The following ATP2B2 variants were observed in gnomAD, a reference collection of about 807,000 sequenced individuals.
ATP2B2 encodes the protein ATPase plasma membrane Ca2+ transporting 2.
In ATP2B2, 15 loss-of-function variants were observed where a neutral mutation model predicts 120.0. The observed-to-expected ratio is 0.12, with a 90% CI of 0.08 to 0.19. The LOEUF (loss-of-function observed/expected upper bound fraction) is 0.19, where lower values mean the gene tolerates loss of function less well. Among genes scored for constraint, ATP2B2 ranks in the 10% least tolerant of loss-of-function variants. ATP2B2 has a pLI of 1.00. For synonymous variants in ATP2B2, 694 were observed against 700.3 expected, an observed-to-expected ratio of 0.99 and a Z score of 0.14; for missense variants, 1,045 against 1,719.8, an observed-to-expected ratio of 0.61 and a Z score of 6.94.
chr3:10,391,709 A>C (rs1488881241), intron 5 of ATP2B2, among the ~76,000 whole-genome samples: 3 of 152,044 alleles, frequency 2.0e-5, no homozygotes, highest in Non-Finnish European at 2.9e-5. Context: ...TACAATCCCC[A>C]GTCCTCCCTC....
intron 2 of ATP2B2, among the ~76,000 whole-genome samples, chr3:10,425,884 G>C (rs1346011238): frequency 1.3e-5 from 2 of 152,178 alleles, no homozygotes. Context: ...AATGTGTAAA[G>C]TGCAGTGTGC....
chr3:10,393,441 G>C (rs2061923936), intron 5 of ATP2B2, among the ~76,000 whole-genome samples: 1 of 152,212 alleles, frequency 6.6e-6, no homozygotes. Flanking sequence ...TTTTCGCTCA[G>C]CTGTCACAGT....
chr3:10,402,306 G>A lies in ATP2B2; in HGVS notation c.440C>T (p.Ala147Val), dbSNP rs1203494572. The A allele has an allele frequency of 6.2e-7, 1 of 1,614,072 alleles. No homozygotes were observed. The highest frequency in any genetic ancestry group is 8.5e-7 in the Non-Finnish European group (1 of 1,180,048). The stretch of plus-strand genomic sequence containing the variant: ...GGCCCCCTCGATCCAACCTGCCTCT[G>A]CCTCTCCTTCATCCTCTGCCCCACC... ...AQGGAEDEGE[A>V]EAGWIEGAAI... Residue 147 changes from alanine to valine, a missense_variant, in exon 4 of 23, where the codon GCA (alanine) becomes GTA (valine). This residue lies in a region of ATP2B2 where 35 missense variants were observed against 37.2 expected (regional missense o/e 0.94). Transcript: ENST00000360273. The surrounding 1 kb of genome is among the most constrained non-coding windows in gnomAD (Gnocchi z 4.9).
intron 2 of ATP2B2, among the ~76,000 whole-genome samples, chr3:10,554,166 C>T (rs1444172825): frequency 2.6e-5 from 4 of 152,140 alleles, no homozygotes; most frequent in African/African-American, 9.7e-5. Flanking sequence ...TTGTAACCCA[C>T]CTGAACACTC....
intron 11 of ATP2B2, 120 bp from the exon 12 acceptor site, chr3:10,372,171 T>G: frequency 7.1e-7 from 1 of 1,399,718 alleles, no homozygotes. Context: ...CCTGCCCCTT[T>G]GCTTCCGGCA....
At chr3:10,476,519 C>T (rs967199108) in intron 1 of ATP2B2, among the ~76,000 whole-genome samples, 32 of 152,358 alleles carry the variant, frequency 2.1e-4, no homozygotes, top group African/African-American at 7.5e-4. Flanking sequence ...GGGCCCCATG[C>T]TTGGAGACCC....
At chr3:10,332,950 T>A (rs2060020302) in intron 22 of ATP2B2, among the ~76,000 whole-genome samples, 1 of 152,090 alleles carries the variant, frequency 6.6e-6, no homozygotes, top group African/African-American at 2.4e-5. Flanking sequence ...AAAAACAACC[T>A]CGTTTTTGAG....
At chr3:10,659,982 T>C (rs1575600145) in intron 1 of ATP2B2, among the ~76,000 whole-genome samples, 1 of 151,950 alleles carries the variant, frequency 6.6e-6, no homozygotes, top group Non-Finnish European at 1.5e-5. Flanking sequence ...CTGAACAACC[T>C]GCTCCTGAAT....
chr3:10,507,610 A>G (rs142152530), upstream of ATP2B2, among the ~76,000 whole-genome samples: 4 of 152,280 alleles, frequency 2.6e-5, no homozygotes, highest in East Asian at 7.7e-4. Flanking sequence ...TATTACTTCA[A>G]CATCTTTGGC....
intron 1 of ATP2B2, among the ~76,000 whole-genome samples, chr3:10,676,011 G>A (rs1039840466): frequency 6.6e-6 from 1 of 152,194 alleles, no homozygotes; most frequent in African/African-American, 2.4e-5. Flanking sequence ...AATTTGTGAT[G>A]CTGTACTTGT....
rs1212001019 is a variant in ATP2B2 at position 10,338,167 on chromosome 3, C to T, written c.3420+9G>A. 6.2e-7 allele frequency: 1 copy of T among 1,613,904 alleles called. No individual in the cohort carries two copies. Among genetic ancestry groups the T allele is most frequent in the East Asian group, 2.2e-5 (1 of 44,870 alleles). On this transcript the variant is annotated intron_variant, in intron 22 of 22. Coordinates refer to ENST00000360273, the MANE Select transcript of ATP2B2 (RefSeq NM_001001331.4). ...AGGCCTGGGCCCAGCCCCCAAGAGC[C>T]TCCTGTACCTGTGTCTGGATCCGAT...
intron 5 of ATP2B2, chr3:10,394,403 G>A: frequency 2.1e-6 from 1 of 469,466 alleles, no homozygotes; most frequent in South Asian, 1.6e-5. Flanking sequence ...TCAATCCCCA[G>A]CCCCTCCACC....
intron 2 of ATP2B2, among the ~76,000 whole-genome samples, chr3:10,416,966 G>A (rs1383794170): frequency 3.3e-5 from 5 of 149,812 alleles, no homozygotes; most frequent in South Asian, 2.1e-4. Flanking sequence ...GGGGCAGAGC[G>A]GCTCCTCACT....
intron 1 of ATP2B2, among the ~76,000 whole-genome samples, chr3:10,625,352 G>C (rs1196496369): frequency 6.6e-6 from 1 of 152,214 alleles, no homozygotes; most frequent in African/African-American, 2.4e-5. Flanking sequence ...GAGTGAGAAG[G>C]TGAGGGGTGG....
chr3:10,504,585 A>C (rs2066534505), intron 1 of ATP2B2, among the ~76,000 whole-genome samples: 3 of 150,014 alleles, frequency 2.0e-5, no homozygotes, highest in East Asian at 2.0e-4. Flanking sequence ...CCAACCCCCA[A>C]CCTGGGTGAG....
At chr3:10,477,600 A>G (rs1177076460) in intron 1 of ATP2B2, among the ~76,000 whole-genome samples, 1 of 152,096 alleles carries the variant, frequency 6.6e-6, no homozygotes, top group Admixed American at 6.5e-5. Context: ...TTCTGTTTCT[A>G]TGAGTTTGAC....
At chr3:10,546,330 T>C (rs2067545475) in intron 2 of ATP2B2, among the ~76,000 whole-genome samples, 1 of 152,160 alleles carries the variant, frequency 6.6e-6, no homozygotes, top group Non-Finnish European at 1.5e-5. Context: ...TCCACTTCTT[T>C]ACCACCTTCA....
chr3:10,694,234 C>T (rs757306202), intron 1 of ATP2B2, among the ~76,000 whole-genome samples: 1 of 152,184 alleles, frequency 6.6e-6, no homozygotes, highest in African/African-American at 2.4e-5. Flanking sequence ...TATCACATTA[C>T]CTTTGCATAA....
intron 2 of ATP2B2, among the ~76,000 whole-genome samples, chr3:10,570,907 C>T (rs1436123036): frequency 6.6e-6 from 1 of 152,252 alleles, no homozygotes; most frequent in African/African-American, 2.4e-5. Flanking sequence ...GGCCCCTACT[C>T]TCCAATCCTT....
Sources: allele counts gnomAD v4.1 joint callset (sites outside exome capture counted in the v4.1 genomes callset), GRCh38; gene constraint gnomAD v4.1.1; regional missense constraint gnomAD v4.1.1; non-coding constraint Gnocchi (gnomAD v3.1); transcripts MANE v1.5; gene names NCBI Gene and HGNC (gene_info 2026-07-23, HGNC 2026-07-21).